Variants in SIPA1L3 observed in about 807,000 individuals in gnomAD.
The protein encoded by SIPA1L3 is signal-induced proliferation-associated 1-like protein 3.
A neutral mutation model predicts 150.1 loss-of-function variants in SIPA1L3; 59 were observed. That is an observed-to-expected ratio of 0.39 (90% confidence interval 0.32 to 0.49). The LOEUF is 0.49. SIPA1L3 is among the 20% of genes least tolerant of loss of function. The probability of loss-of-function intolerance (pLI) is 0.86; values close to 1 mark genes in which losing one functional copy is unlikely to be tolerated. For missense variants in SIPA1L3, 2,211 were observed against 2,489.5 expected (o/e 0.89, Z 2.38); for synonymous variants, 1,070 against 1,077.6 (o/e 0.99, Z 0.14).
intron 15 of SIPA1L3, among the ~76,000 whole-genome samples, chr19:38,169,304 G>A (rs981890407): frequency 1.3e-5 from 2 of 151,998 alleles, no homozygotes; most frequent in African/African-American, 2.4e-5. Context: ...CGGGAGAATC[G>A]CTTGAGTCTG....
chr19:38,169,706 C>G (rs1225552328), intron 15 of SIPA1L3, among the ~76,000 whole-genome samples: 2 of 152,206 alleles, frequency 1.3e-5, no homozygotes, highest in Non-Finnish European at 2.9e-5. Context: ...GAATATCCCC[C>G]CTGGTCCAAG....
intron 15 of SIPA1L3, among the ~76,000 whole-genome samples, chr19:38,170,085 AG>A (rs1400163798): frequency 2.0e-5 from 3 of 151,984 alleles, no homozygotes; most frequent in African/African-American, 4.8e-5. Context: ...GAGAGCCCAA[AG>A]GGGGCCCCCC....
At chr19:38,094,271 C>G (rs887168670) in intron 4 of SIPA1L3, among the ~76,000 whole-genome samples, 1 of 152,068 alleles carries the variant, frequency 6.6e-6, no homozygotes, top group Non-Finnish European at 1.5e-5. Context: ...ATTTTTGAGA[C>G]AAGGTCTTAC....
intron 1 of SIPA1L3, among the ~76,000 whole-genome samples, chr19:37,966,201 G>T (rs2046902567): frequency 6.6e-6 from 1 of 152,204 alleles, no homozygotes; most frequent in Non-Finnish European, 1.5e-5. Context: ...ACACTGATCT[G>T]TTTGAAGAAA....
chr19:38,113,919 T>A (rs1424174249), intron 8 of SIPA1L3, among the ~76,000 whole-genome samples: 1 of 152,154 alleles, frequency 6.6e-6, no homozygotes, highest in Non-Finnish European at 1.5e-5. Flanking sequence ...GTTTCAAGTG[T>A]GCAATTTCCG....
At position 38,202,015 on chromosome 19, in the gene SIPA1L3, A is replaced by G. The variant is rs757342621; in HGVS notation, c.5120+18A>G. The G allele has an allele frequency of 6.9e-6, 11 of 1,598,348 alleles. No individual in the cohort carries two copies. The highest frequency in any genetic ancestry group is 7.7e-6 in the Non-Finnish European group (9 of 1,173,680). On this transcript the variant is annotated intron_variant, in intron 20 of 21. Transcript: ENST00000222345. ...ACCATGAGGTGAGGTTTCCCTGGGA[A>G]CACCCGGGTTCATACCAGCGGCAGG... is the stretch of plus-strand genomic sequence containing the variant.
At chr19:38,133,243 A>G (rs1971354778) in intron 10 of SIPA1L3, among the ~76,000 whole-genome samples, 1 of 152,164 alleles carries the variant, frequency 6.6e-6, no homozygotes, top group Non-Finnish European at 1.5e-5. Flanking sequence ...CCATCACCAC[A>G]TGTCCCCTCC....
At chr19:38,031,570 G>T (rs537748924) in intron 2 of SIPA1L3, among the ~76,000 whole-genome samples, 1 of 152,314 alleles carries the variant, frequency 6.6e-6, no homozygotes, top group East Asian at 1.9e-4. Flanking sequence ...CAGGCAGCAT[G>T]CCCTTCTCAG....
At chr19:38,083,160 A>G in intron 3 of SIPA1L3, 61 bp downstream of exon 3, 2 of 1,454,758 alleles carry the variant, frequency 1.4e-6, no homozygotes, top group South Asian at 2.5e-5. Flanking sequence ...CGAGACCCCC[A>G]CTACTCATTC....
chr19:38,082,948 G>A lies in SIPA1L3; in HGVS notation c.1383G>A (p.Glu461=). 1.2e-6 allele frequency: 2 copies of A among 1,613,070 alleles called. No individual in the cohort carries two copies. The highest frequency in any genetic ancestry group is 1.7e-6 in the Non-Finnish European group (2 of 1,179,876). Residue 461 remains glutamate, a synonymous_variant, in exon 3 of 22, where the codon GAG becomes GAA. Transcript: ENST00000222345. The part of the protein sequence containing the change: ...SPSSGEGHLA[E]PALSAYRTNA... ...GCAGCGGCGAGGGCCACCTGGCAGA[G>A]CCCGCCCTGAGCGCCTACCGCACCA...
rs374476764 is a variant in SIPA1L3, at chr19:38,088,738, G to A, written c.1552G>A (p.Gly518Ser). ...FVGKEHANYF[G>S]VDEKLGPVAV... ...CTTCTTAGAACATGCCAATTACTTCGGCGTGGATGAGAAGCTGGGGCCAGT... is the reference window on the plus strand; with the variant it reads ...CTTCTTAGAACATGCCAATTACTTCAGCGTGGATGAGAAGCTGGGGCCAGT... Residue 518 changes from glycine (G) to serine (S), a missense_variant, in exon 4 of 22, where the codon GGC becomes AGC. Gly to Ser is a moderately conservative substitution (Grantham distance 56). Around this residue, in one of 5 missense-constraint regions of SIPA1L3, gnomAD observed 625 missense variants for 804.2 expected, o/e 0.78. Coordinates refer to ENST00000222345, the MANE Select transcript of SIPA1L3 (RefSeq NM_015073.3). 4.6e-5 allele frequency: 75 copies of A among 1,613,736 alleles called. No homozygotes were observed. The highest frequency in any genetic ancestry group is 5.8e-5 in the Non-Finnish European group (68 of 1,179,894).
At chr19:38,042,608 C>T (rs367580516) in intron 2 of SIPA1L3, among the ~76,000 whole-genome samples, 1 of 152,136 alleles carries the variant, frequency 6.6e-6, no homozygotes, top group African/African-American at 2.4e-5. Flanking sequence ...ATATGTCTTT[C>T]CCAAAGAGCA....
intron 13 of SIPA1L3, among the ~76,000 whole-genome samples, chr19:38,161,532 G>C (rs532412916): frequency 6.6e-6 from 1 of 151,966 alleles, no homozygotes; most frequent in East Asian, 1.9e-4. Flanking sequence ...AGACCAGCCT[G>C]GCCAATATGG....
intron 12 of SIPA1L3, 105 bp from the exon 13 acceptor site, chr19:38,152,735 C>T (rs1010463192): frequency 3.3e-5 from 42 of 1,263,058 alleles, no homozygotes; most frequent in Non-Finnish European, 4.1e-5. Context: ...CGGAGCCTCC[C>T]GTGTGTCTAA....
chr19:37,949,114 A>G (rs1250749643), intron 1 of SIPA1L3, among the ~76,000 whole-genome samples: 1 of 152,190 alleles, frequency 6.6e-6, no homozygotes, highest in Non-Finnish European at 1.5e-5. Flanking sequence ...TAGGACTTGC[A>G]CTGTCTCCTG....
intron 1 of SIPA1L3, among the ~76,000 whole-genome samples, chr19:37,981,204 G>A (rs55785437): frequency 0.29 from 44,009 of 151,862 alleles, 7,136 homozygotes; most frequent in Non-Finnish European, 0.37. Context: ...AGGCTGAAGC[G>A]GAAGGATTGC....
Position 38,192,287 on chromosome 19 carries a change from C to A in SIPA1L3, c.4573C>A (p.Pro1525Thr), listed in dbSNP as rs1972822044. The change falls in exon 17 of 22, where the codon CCA (proline) becomes ACA (threonine). Residue 1525 changes from proline (P) to threonine (T), a missense_variant. By Grantham distance (38) the Pro-to-Thr change is conservative. Transcript: ENST00000222345. The stretch of plus-strand genomic sequence containing the variant: ...ACTCATCATCATGGACAACCTGGGG[C>A]CAGAGCAGGAGAGAGACACGGGAGT... ...KKLIIMDNLG[P>T]EQERDTGQSP... 6.2e-7 allele frequency: 1 copy of A among 1,611,160 alleles called. No homozygotes were observed. Among genetic ancestry groups the A allele is most frequent in the Non-Finnish European group, 8.5e-7 (1 of 1,178,646 alleles).
chr19:38,187,715 C>CAAAA (rs34187992), intron 16 of SIPA1L3, among the ~76,000 whole-genome samples: 2 of 59,528 alleles, frequency 3.4e-5, no homozygotes, highest in Non-Finnish European at 5.9e-5. Flanking sequence ...GACTCCGTCT[C>CAAAA]AAAAAAAAAA....
At chr19:37,911,365 A>G (rs1308485529) in intron 1 of SIPA1L3, among the ~76,000 whole-genome samples, 2 of 152,008 alleles carry the variant, frequency 1.3e-5, no homozygotes, top group Non-Finnish European at 2.9e-5. Context: ...TTTTCAATTA[A>G]TGGCTGGGCA....
Sources: allele counts gnomAD v4.1 joint callset (sites outside exome capture counted in the v4.1 genomes callset), GRCh38; gene constraint gnomAD v4.1.1; regional missense constraint gnomAD v4.1.1; transcripts MANE v1.5; gene names NCBI Gene and HGNC (gene_info 2026-07-23, HGNC 2026-07-21).